The following SMYD3 variants were observed in gnomAD, a reference collection of about 807,000 sequenced individuals.
The protein encoded by SMYD3 is histone-lysine N-methyltransferase SMYD3.
In SMYD3, 36 loss-of-function variants were observed where a neutral mutation model predicts 57.7. That is an observed-to-expected ratio of 0.62 (90% CI 0.48 to 0.82). The LOEUF (loss-of-function observed/expected upper bound fraction) is 0.82. Among genes scored for constraint, SMYD3 ranks in the 40% least tolerant of loss-of-function variants. The pLI, the probability that SMYD3 is intolerant of heterozygous loss-of-function variation, is 0.00. For synonymous variants in SMYD3, 211 were observed against 195.0 expected, an observed-to-expected ratio of 1.08 and a Z score of -0.68; for missense variants, 515 against 538.8, an observed-to-expected ratio of 0.96 and a Z score of 0.44.
intron 5 of SMYD3, among the ~76,000 whole-genome samples, chr1:246,226,351 T>C (rs2063330218): frequency 6.6e-6 from 1 of 152,258 alleles, no homozygotes; most frequent in Admixed American, 6.5e-5. Context: ...TATCATTCTT[T>C]TAAATTTACA....
chr1:246,085,411 TC>T lies in SMYD3; in HGVS notation c.532-155475del, dbSNP rs201577099. ...CTGAAGGATTTGAGAAAACAGACCT[TC>T]CCCCTCCCCTTCTCCCCTGAAAAAG... On this transcript the variant is annotated intron_variant, in intron 5 of 11. Coordinates refer to ENST00000490107, the MANE Select transcript of SMYD3 (RefSeq NM_001167740.2). 3.0e-3 allele frequency among the ~76,000 whole-genome samples: 453 copies of T among 152,040 alleles called. 4 individuals are homozygous for T. Among genetic ancestry groups the T allele is most frequent in the African/African-American group, 0.01 (434 of 41,442 alleles).
At chr1:245,914,874 A>G (rs1307634747) in intron 8 of SMYD3, among the ~76,000 whole-genome samples, 1 of 152,198 alleles carries the variant, frequency 6.6e-6, no homozygotes, top group Non-Finnish European at 1.5e-5. Flanking sequence ...TGCAATTATT[A>G]TGTGTCAACT....
At chr1:245,865,592 G>C (rs1239011287) in intron 8 of SMYD3, among the ~76,000 whole-genome samples, 1 of 152,184 alleles carries the variant, frequency 6.6e-6, no homozygotes, top group Non-Finnish European at 1.5e-5. Flanking sequence ...ATATTACTCT[G>C]TTTGCCACAG....
chr1:245,920,397 G>C (rs542049342), intron 7 of SMYD3, among the ~76,000 whole-genome samples: 1 of 150,822 alleles, frequency 6.6e-6, no homozygotes, highest in South Asian at 2.1e-4. Flanking sequence ...TCACAGTTAT[G>C]AATGTTTCTG....
At chr1:246,293,627 C>T (rs1015358037) in intron 5 of SMYD3, among the ~76,000 whole-genome samples, 1 of 152,136 alleles carries the variant, frequency 6.6e-6, no homozygotes, top group African/African-American at 2.4e-5. Flanking sequence ...AGAAGAAGAG[C>T]GTCTATCCCA....
At chr1:246,001,924 C>T (rs965307679) in intron 5 of SMYD3, among the ~76,000 whole-genome samples, 1 of 152,178 alleles carries the variant, frequency 6.6e-6, no homozygotes, top group Non-Finnish European at 1.5e-5. Context: ...GACAGATTCT[C>T]CGGCCGCCAG....
At chr1:245,896,981 C>T (rs974251664) in intron 8 of SMYD3, among the ~76,000 whole-genome samples, 10 of 152,152 alleles carry the variant, frequency 6.6e-5, no homozygotes, top group African/African-American at 2.4e-4. Context: ...AAATGCAATG[C>T]TAACCAACTG....
intron 2 of SMYD3, among the ~76,000 whole-genome samples, chr1:246,352,838 G>GA (rs1227637483): frequency 8.6e-5 from 13 of 151,878 alleles, no homozygotes; most frequent in Non-Finnish European, 1.8e-4. Flanking sequence ...CAAAACAGGG[G>GA]AAAAAAATGT....
intron 5 of SMYD3, among the ~76,000 whole-genome samples, chr1:246,219,494 T>C (rs977620079): frequency 6.6e-6 from 1 of 152,154 alleles, no homozygotes; most frequent in African/African-American, 2.4e-5. Context: ...CCTGCATTTA[T>C]CATCCTTCAA....
chr1:246,136,054 G>A (rs1281224099), intron 5 of SMYD3, among the ~76,000 whole-genome samples: 3 of 152,176 alleles, frequency 2.0e-5, no homozygotes, highest in Non-Finnish European at 4.4e-5. Flanking sequence ...AGATCAGAGA[G>A]TTATTGGTAC....
At chr1:246,152,698 CGT>C (rs1558271923) in intron 5 of SMYD3, among the ~76,000 whole-genome samples, 1 of 152,206 alleles carries the variant, frequency 6.6e-6, no homozygotes, top group Admixed American at 6.5e-5. Context: ...GGCTACACTA[CGT>C]GAGTGTGTCC....
At chr1:246,366,550 C>G (rs555761309) in intron 1 of SMYD3, among the ~76,000 whole-genome samples, 1 of 147,464 alleles carries the variant, frequency 6.8e-6, no homozygotes, top group East Asian at 2.0e-4. Context: ...CCAGACAGTA[C>G]GAGAAAACCT....
At chr1:245,878,097 T>C (rs954830442) in intron 8 of SMYD3, among the ~76,000 whole-genome samples, 1 of 152,086 alleles carries the variant, frequency 6.6e-6, no homozygotes, top group Non-Finnish European at 1.5e-5. Context: ...TCAATGGATT[T>C]GAAATCAGGG....
intron 5 of SMYD3, among the ~76,000 whole-genome samples, chr1:246,057,187 T>C (rs903658675): frequency 6.6e-6 from 1 of 152,220 alleles, no homozygotes; most frequent in Non-Finnish European, 1.5e-5. Context: ...GATTAAATAA[T>C]GGATGTGAAG....
intron 10 of SMYD3, among the ~76,000 whole-genome samples, chr1:245,833,423 T>A (rs915324495): frequency 6.6e-6 from 1 of 152,236 alleles, no homozygotes; most frequent in Non-Finnish European, 1.5e-5. Flanking sequence ...TCTTGAAGCG[T>A]CCTGGCCAAA....
intron 1 of SMYD3, among the ~76,000 whole-genome samples, chr1:246,446,466 C>T (rs935389793): frequency 1.3e-5 from 2 of 151,952 alleles, no homozygotes; most frequent in Non-Finnish European, 2.9e-5. Flanking sequence ...ATTCTGTGAC[C>T]GGGGAGAGAA....
intron 7 of SMYD3, among the ~76,000 whole-genome samples, chr1:245,925,821 T>C (rs982903752): frequency 6.6e-6 from 1 of 152,188 alleles, no homozygotes; most frequent in Admixed American, 6.5e-5. Flanking sequence ...CAAAAATGTA[T>C]TAATAACCAC....
intron 5 of SMYD3, among the ~76,000 whole-genome samples, chr1:246,040,270 A>G (rs967641189): frequency 9.9e-5 from 15 of 152,240 alleles, no homozygotes; most frequent in African/African-American, 3.6e-4. Flanking sequence ...GGAGGGGTTC[A>G]ATAAGTAGGA....
intron 1 of SMYD3, chr1:246,417,334 G>A (rs2067078125): frequency 6.6e-6 from 1 of 152,186 alleles, no homozygotes; most frequent in Admixed American, 6.5e-5. Flanking sequence ...GAACAGTAGG[G>A]GTGTTGCAGC....
Sources: gnomAD v4.1 joint callset for allele counts (sites outside exome capture counted in the v4.1 genomes callset) on GRCh38, gnomAD v4.1.1 for gene constraint, MANE v1.5 for transcripts, NCBI Gene and HGNC (gene_info 2026-07-23, HGNC 2026-07-21) for gene names.